NUP214: variants seen among roughly 807,000 people sequenced by gnomAD.
NUP214 encodes the protein nuclear pore complex protein Nup214.
Under a neutral mutation model 196.2 loss-of-function variants are expected in NUP214, and 79 were observed. The ratio of observed to expected loss-of-function variants is 0.40; its 90% CI spans 0.34 to 0.49. NUP214 has a LOEUF of 0.49. Ranked by LOEUF, NUP214 falls within the 20% of genes least tolerant of loss-of-function variation. NUP214 has a pLI of 0.58. For missense variants in NUP214, 2,468 were observed against 2,539.0 expected, an observed-to-expected ratio of 0.97 and a Z score of 0.60; for synonymous variants, 1,020 against 990.5, an observed-to-expected ratio of 1.03 and a Z score of -0.56.
chr9:131,148,415 T>C (rs1361555419), intron 14 of NUP214, among the ~76,000 whole-genome samples: 1 of 152,232 alleles, frequency 6.6e-6, no homozygotes, highest in Non-Finnish European at 1.5e-5. Flanking sequence ...GTAGCACTGC[T>C]ATGACCGTTC....
chr9:131,222,718 T>G, intron 31 of NUP214, 60 bp from the exon 32 acceptor site: 1 of 1,555,536 alleles, frequency 6.4e-7, no homozygotes, highest in Non-Finnish European at 8.7e-7. Flanking sequence ...TTCTGTGTTC[T>G]GAGAAGCAGG....
chr9:131,179,552 AT>A (rs530848812), intron 24 of NUP214, among the ~76,000 whole-genome samples: 8 of 152,146 alleles, frequency 5.3e-5, no homozygotes, highest in Non-Finnish European at 1.0e-4. Context: ...GGTACCCATG[AT>A]TAGTCTAGCA....
At chr9:131,190,226 T>C (rs1300704463) in intron 26 of NUP214, 2 of 446,424 alleles carry the variant, frequency 4.5e-6, no homozygotes, top group African/African-American at 2.0e-5. Flanking sequence ...AGGAAAATTA[T>C]ATAGTAGAAC....
intron 16 of NUP214, among the ~76,000 whole-genome samples, chr9:131,151,272 CT>C (rs1424983351): frequency 6.6e-6 from 1 of 152,218 alleles, no homozygotes; most frequent in Non-Finnish European, 1.5e-5. Flanking sequence ...ATCCTCACAA[CT>C]TTGCTGTGTC....
chr9:131,138,938 T>A (rs1831822750), intron 9 of NUP214, among the ~76,000 whole-genome samples: 1 of 152,220 alleles, frequency 6.6e-6, no homozygotes, highest in Admixed American at 6.5e-5. Context: ...CTGTTGGATT[T>A]GTCCCTCATG....
intron 31 of NUP214, among the ~76,000 whole-genome samples, chr9:131,216,524 G>A (rs1386590179): frequency 1.4e-5 from 1 of 73,256 alleles, no homozygotes; most frequent in Non-Finnish European, 2.7e-5. Context: ...CCACGCCCAG[G>A]CTTTTTTTTT....
At chr9:131,144,852 T>A in intron 12 of NUP214, 98 bp downstream of exon 12, 2 of 961,686 alleles carry the variant, frequency 2.1e-6, no homozygotes, top group Non-Finnish European at 3.0e-6. Context: ...GTTAACTGAG[T>A]AGAATTTTTT....
chr9:131,181,297 G>T (rs190863786), intron 24 of NUP214, among the ~76,000 whole-genome samples: 1 of 152,146 alleles, frequency 6.6e-6, no homozygotes, highest in Non-Finnish European at 1.5e-5. Flanking sequence ...AGAATGCTGG[G>T]GGAGTAGGTC....
intron 28 of NUP214, among the ~76,000 whole-genome samples, chr9:131,196,643 G>A (rs534753442): frequency 3.9e-5 from 6 of 152,282 alleles, no homozygotes; most frequent in Admixed American, 1.3e-4. Flanking sequence ...CACAACCAGC[G>A]AGTGGCAGAG....
chr9:131,208,022 T>C (rs1254527947), intron 30 of NUP214, among the ~76,000 whole-genome samples: 1 of 152,102 alleles, frequency 6.6e-6, no homozygotes, highest in Non-Finnish European at 1.5e-5. Context: ...TTAGATAAGA[T>C]ACCACTTCAC....
At chr9:131,157,664 G>A (rs554188493) in intron 17 of NUP214, among the ~76,000 whole-genome samples, 1 of 151,750 alleles carries the variant, frequency 6.6e-6, no homozygotes, top group East Asian at 1.9e-4. Context: ...TTTTGTTTTG[G>A]AGACAGGGTC....
At chr9:131,163,999 C>G in intron 20 of NUP214, 44 bp downstream of exon 20, 1 of 1,612,230 alleles carries the variant, frequency 6.2e-7, no homozygotes. Context: ...TTATTCTCTT[C>G]CAAGTACTGA....
At chr9:131,161,136 A>G (rs949845602) in intron 18 of NUP214, among the ~76,000 whole-genome samples, 5 of 152,084 alleles carry the variant, frequency 3.3e-5, no homozygotes, top group Non-Finnish European at 5.9e-5. Context: ...TTTACTACTT[A>G]TGCTTTTCTG....
rs779913021 is a variant in NUP214, at chr9:131,187,349, T to C, written c.3480T>C (p.Ala1160=). 1 of 1,603,364 alleles carries C rather than the reference T, an allele frequency of 6.2e-7. No homozygotes were observed. Among genetic ancestry groups the C allele is most frequent in the Non-Finnish European group, 8.5e-7 (1 of 1,171,376 alleles). ...TPHPVLTPVA[A]NQAKQGSLIN... ...ACCCAGTGTTGACCCCAGTGGCTGC[T>C]AACCAAGCCAAGCAGGTAACTTACT... Residue 1160 remains alanine, a synonymous_variant, in exon 25 of 36, where the codon GCT becomes GCC. Coordinates refer to ENST00000359428, the MANE Select transcript of NUP214 (RefSeq NM_005085.4).
chr9:131,197,846 C>T lies in NUP214; in HGVS notation c.4352C>T (p.Pro1451Leu). Residue 1451 changes from proline to leucine, a missense_variant, in exon 29 of 36, where the codon CCC (proline) becomes CTC (leucine). Physicochemically the swap from Pro to Leu is moderately conservative, Grantham distance 98 (BLOSUM62 -3). This residue lies in a region of NUP214 where 1,801 missense variants were observed against 1,779.4 expected (regional missense o/e 1.01). Coordinates refer to ENST00000359428, the MANE Select transcript of NUP214 (RefSeq NM_005085.4). The part of the protein sequence containing the change: ...FGSQQTNSTV[P>L]PSAPPPTTAA... ...AGCCAACAGACCAATAGCACAGTGCCCCCATCTGCCCCACCACCAACTACA... is the reference window on the plus strand; with the variant it reads ...AGCCAACAGACCAATAGCACAGTGCTCCCATCTGCCCCACCACCAACTACA... 1 of 1,613,404 alleles carries T rather than the reference C, an allele frequency of 6.2e-7. No homozygotes were observed.
chr9:131,185,150 G>A (rs1833418713), intron 24 of NUP214, among the ~76,000 whole-genome samples: 1 of 152,190 alleles, frequency 6.6e-6, no homozygotes, highest in Non-Finnish European at 1.5e-5. Context: ...GGGATCAATA[G>A]CAAAGGGCCT....
At position 131,172,003 on chromosome 9, in the gene NUP214, G is replaced by A. The variant is rs559945707; in HGVS notation, c.2894-2052G>A. Among the ~76,000 whole-genome samples the A allele has an allele frequency of 3.4e-4, 52 of 152,126 alleles. No individual in the cohort carries two copies. The South Asian group carries it at 8.9e-3, about 26-fold the overall frequency. Reference sequence around the variant, plus strand: ...AGTCTTTGCTATTGTGAATAGTGCCGCAATAAACATACGTATGCATGTGTC... The same window carrying A: ...AGTCTTTGCTATTGTGAATAGTGCCACAATAAACATACGTATGCATGTGTC... On this transcript the variant is annotated intron_variant, in intron 21 of 35. Transcript: ENST00000359428.
At chr9:131,188,896 CT>C (rs1011397139) in intron 25 of NUP214, among the ~76,000 whole-genome samples, 156 bp from the exon 26 acceptor site, 1 of 149,766 alleles carries the variant, frequency 6.7e-6, no homozygotes, top group Non-Finnish European at 1.5e-5. Context: ...AAATTGAGAC[CT>C]TTTTTTTGTT....
intron 4 of NUP214, among the ~76,000 whole-genome samples, chr9:131,130,132 G>GTTTTTTTTTTT (rs1245763919): frequency 6.4e-5 from 3 of 46,608 alleles, no homozygotes; most frequent in African/African-American, 7.1e-5. Context: ...ATGATTTCTG[G>GTTTTTTTTTTT]TTTTGTTTTT....
Sources: allele counts gnomAD v4.1 joint callset (sites outside exome capture counted in the v4.1 genomes callset), GRCh38; gene constraint gnomAD v4.1.1; regional missense constraint gnomAD v4.1.1; transcripts MANE v1.5; gene names NCBI Gene and HGNC (gene_info 2026-07-23, HGNC 2026-07-21).